ANKRD60: variants seen among roughly 807,000 people sequenced by gnomAD.
ANKRD60 encodes the protein ankyrin repeat domain-containing protein 60.
ANKRD60 carries 24 observed loss-of-function variants against 21.3 expected under a neutral mutation model. That is an observed-to-expected ratio of 1.13 (90% CI 0.82 to 1.59). The LOEUF (loss-of-function observed/expected upper bound fraction) is 1.59, where lower values mean the gene tolerates loss of function less well. ANKRD60 is among the 40% of genes most tolerant of loss of function. The probability of loss-of-function intolerance (pLI) is 0.00; values close to 1 mark genes in which losing one functional copy is unlikely to be tolerated. For missense variants in ANKRD60, 490 were observed against 466.7 expected (o/e 1.05, Z -0.46); for synonymous variants, 182 against 199.4 (o/e 0.91, Z 0.74).
downstream of ANKRD60, among the ~76,000 whole-genome samples, chr20:58,217,778 T>G (rs78701100): frequency 0.21 from 31,972 of 152,100 alleles, 5,273 homozygotes; most frequent in East Asian, 0.44. Flanking sequence ...AAAGGAGAAC[T>G]CTGGCAAGAG....
Position 58,228,287 on chromosome 20 carries a change from C to G in ANKRD60, c.367G>C (p.Glu123Gln), listed in dbSNP as rs533818372. The G allele has an allele frequency of 8.2e-4, 1,275 of 1,551,476 alleles. 22 individuals are homozygous for G. Among genetic ancestry groups the G allele is most frequent in the Non-Finnish European group, 8.5e-5 (97 of 1,146,912 alleles). ...ATGCCGACCATCAGGTCCAGCTCCT[C>G]TTTGAGCTCCCGCACGGTCATGTCG... The change falls in exon 1 of 4, where the codon GAG (glutamate) becomes CAG (glutamine). Residue 123 changes from glutamate (E) to glutamine (Q), a missense_variant. Physicochemically the swap from Glu to Gln is conservative, Grantham distance 29. Coordinates refer to ENST00000457363, the Ensembl canonical transcript of ANKRD60. This position sits in a 1 kb window ranked among gnomAD's most constrained non-coding sequence, Gnocchi z 5.3.
At chr20:58,220,542 T>C (rs888847045) in intron 3 of ANKRD60, among the ~76,000 whole-genome samples, 1 of 145,648 alleles carries the variant, frequency 6.9e-6, no homozygotes, top group South Asian at 2.2e-4. Flanking sequence ...GGCCCTTAAG[T>C]GGAGGTGGGT....
rs555582751 is a variant in ANKRD60 at position 58,221,462 on chromosome 20, G to A, written c.603C>T (p.Thr201=). The A allele has an allele frequency of 2.2e-5, 34 of 1,551,996 alleles. No individual in the cohort carries two copies. The Middle Eastern group carries it at 6.7e-4, about 30-fold the overall frequency. ...CACCCTCAAAATGTTCTGAATTTGC[G>A]GTTCGGTAGAAGGAATCTTCAGTAA... The change falls in exon 3 of 4, where the codon ACC becomes ACT. Residue 201 remains threonine (T), a synonymous_variant. Coordinates refer to ENST00000457363, the Ensembl canonical transcript of ANKRD60.
chr20:58,218,509 T>C (rs1405397043), exon 4 of ANKRD60: 11 of 1,550,872 alleles, frequency 7.1e-6, no homozygotes, highest in Non-Finnish European at 9.6e-6. Context: ...TGAGGGGTCA[T>C]CGTCATCTTC....
chr20:58,218,592 G>A (rs909510573), exon 4 of ANKRD60: 142 of 1,551,640 alleles, frequency 9.2e-5, no homozygotes, highest in East Asian at 7.8e-4. Flanking sequence ...CCTTATCCCC[G>A]ACTTTGCTAT....
At position 58,228,210 on chromosome 20, in the gene ANKRD60, A is replaced by G; in HGVS notation, c.430+14T>C. ...CTTGCATGTGGCCAGGGAAGGAGTCAGGGCAGGAGCCACCTTCGTCGAGGT... is the reference window on the plus strand; with the variant it reads ...CTTGCATGTGGCCAGGGAAGGAGTCGGGGCAGGAGCCACCTTCGTCGAGGT... On this transcript the variant is annotated intron_variant, in intron 1 of 3. Transcript: ENST00000457363. This position sits in a 1 kb window ranked among gnomAD's most constrained non-coding sequence, Gnocchi z 5.3. The G allele has an allele frequency of 6.5e-7, 1 of 1,538,474 alleles. No individual in the cohort carries two copies. Among genetic ancestry groups the G allele is most frequent in the Non-Finnish European group, 8.8e-7 (1 of 1,138,946 alleles).
chr20:58,217,409 A>G (rs1600681009), downstream of ANKRD60, among the ~76,000 whole-genome samples: 1 of 152,110 alleles, frequency 6.6e-6, no homozygotes, highest in East Asian at 1.9e-4. Context: ...AGCCTGGGCA[A>G]TAGAGCAAGA....
intron 1 of ANKRD60, 100 bp from the exon 2 acceptor site, chr20:58,223,282 G>A: frequency 1.0e-6 from 1 of 1,004,288 alleles, no homozygotes; most frequent in Non-Finnish European, 1.4e-6. Flanking sequence ...GTGCCACAAA[G>A]ATAATTTTAG....
downstream of ANKRD60, among the ~76,000 whole-genome samples, chr20:58,217,545 C>T (rs1027672490): frequency 5.9e-5 from 9 of 152,068 alleles, no homozygotes; most frequent in African/African-American, 2.2e-4. Flanking sequence ...AGTCAAGTCT[C>T]GGTGCTCTCT....
chr20:58,220,799 T>G (rs539885175), intron 3 of ANKRD60, among the ~76,000 whole-genome samples: 2 of 151,950 alleles, frequency 1.3e-5, no homozygotes, highest in African/African-American at 4.8e-5. Flanking sequence ...CAGCTAATTT[T>G]TGTATTTTTA....
chr20:58,227,282 G>A (rs1984384245), intron 1 of ANKRD60, among the ~76,000 whole-genome samples: 1 of 152,166 alleles, frequency 6.6e-6, no homozygotes, highest in Non-Finnish European at 1.5e-5. Context: ...GGGGTTCTGA[G>A]GTAGTCATGG....
At chr20:58,223,123 A>G (rs2122808123) in exon 2 of ANKRD60, 1 of 1,551,808 alleles carries the variant, frequency 6.4e-7, no homozygotes, top group African/African-American at 1.4e-5. Flanking sequence ...ATACATAATG[A>G]AATAATCCCT....
At chr20:58,222,618 G>A (rs182895941) in intron 2 of ANKRD60, among the ~76,000 whole-genome samples, 26 of 152,280 alleles carry the variant, frequency 1.7e-4, no homozygotes, top group Admixed American at 2.0e-4. Context: ...CAGAGCGCCC[G>A]CCGCTCACCC....
intron 1 of ANKRD60, among the ~76,000 whole-genome samples, chr20:58,225,372 A>G (rs753488507): frequency 6.6e-6 from 1 of 152,222 alleles, no homozygotes; most frequent in Admixed American, 6.5e-5. Context: ...CACTTTTAAT[A>G]TGTTAAATAC....
rs1984340464 is a variant in ANKRD60, at chr20:58,225,191, AAGTCACC to A, written c.431-2016_431-2010del. On this transcript the variant is annotated intron_variant, in intron 1 of 3. Transcript: ENST00000457363. ...GTGATAGCCCTGTGACATCAGTGTT[AAGTCACC>A]CCCTCTCTCGCGCTCCCTCTTAGCT... 4.6e-5 allele frequency among the ~76,000 whole-genome samples: 7 copies of A among 152,068 alleles called. No individual in the cohort carries two copies. In the South Asian group the frequency reaches 1.4e-3, roughly 31 times the overall value.
At chr20:58,218,834 A>G (rs1487419222) in intron 3 of ANKRD60, 29 bp from the exon 4 acceptor site, 7 of 1,505,980 alleles carry the variant, frequency 4.6e-6, no homozygotes, top group Non-Finnish European at 5.3e-6. Context: ...GGCCAGAAGG[A>G]AGACATGCGG....
intron 1 of ANKRD60, among the ~76,000 whole-genome samples, chr20:58,224,994 G>A (rs1263157781): frequency 3.3e-5 from 5 of 152,254 alleles, no homozygotes; most frequent in Admixed American, 1.3e-4. Context: ...ATCTCCCCCC[G>A]CCCCAAATTT....
chr20:58,226,641 C>T (rs745901473), intron 1 of ANKRD60, among the ~76,000 whole-genome samples: 30 of 152,098 alleles, frequency 2.0e-4, no homozygotes, highest in Non-Finnish European at 4.3e-4. Flanking sequence ...GACACGGTTT[C>T]GTATCTGGGG....
In ANKRD60 at chr20:58,222,923, C is replaced by T. The variant is rs568030742; in HGVS notation, c.561+129G>A. ...AGTGCGGTATTTCATAATTATGACACGGCTCATCGTTCTCTCTTCCCTGCT... is the reference window on the plus strand; with the variant it reads ...AGTGCGGTATTTCATAATTATGACATGGCTCATCGTTCTCTCTTCCCTGCT... On this transcript the variant is annotated intron_variant, in intron 2 of 3. Coordinates refer to ENST00000457363, the Ensembl canonical transcript of ANKRD60. The T allele has an allele frequency of 2.0e-3, 2,354 of 1,175,474 alleles. 5 individuals carry two copies. The highest frequency in any genetic ancestry group is 2.5e-3 in the Non-Finnish European group (2,238 of 878,350). The allele number at this position is 1,175,474 out of a possible 1,614,324, so 72.8% of individuals were successfully genotyped here.
Sources: allele counts gnomAD v4.1 joint callset (sites outside exome capture counted in the v4.1 genomes callset), GRCh38; gene constraint gnomAD v4.1.1; non-coding constraint Gnocchi (gnomAD v3.1); transcripts MANE v1.5; gene names NCBI Gene and HGNC (gene_info 2026-07-23, HGNC 2026-07-21).